CTDSPL2: variants seen among roughly 807,000 people sequenced by gnomAD.
CTDSPL2 encodes CTD small phosphatase-like protein 2.
CTDSPL2 carries 5 observed loss-of-function variants against 60.0 expected under a neutral mutation model. The ratio of observed to expected loss-of-function variants is 0.08; its 90% confidence interval spans 0.04 to 0.18. CTDSPL2 has a LOEUF of 0.18. Ranked by LOEUF, CTDSPL2 falls within the 10% of genes least tolerant of loss-of-function variation. The probability of loss-of-function intolerance (pLI) is 1.00; values close to 1 mark genes in which losing one functional copy is unlikely to be tolerated. For missense variants in CTDSPL2, 370 were observed against 548.8 expected (o/e 0.67, Z 3.26); for synonymous variants, 186 against 189.3 (o/e 0.98, Z 0.14).
In CTDSPL2 at chr15:44,527,105, T is replaced by C. The variant is rs1171822975; in HGVS notation, c.*2931T>C. On this transcript the variant is annotated 3_prime_UTR_variant, in exon 13 of 13. Transcript: ENST00000260327. ...GACAATTCGTAACCATAAATTGTTT[T>C]ATATTAGCTAGTATGTATATTTATT... 1.3e-5 allele frequency: 2 copies of C among 152,622 alleles called. No homozygotes were observed. The highest frequency in any genetic ancestry group is 1.9e-4 in the East Asian group (1 of 5,202). The allele number at this position is 152,622 out of a possible 1,614,324, so 9.5% of individuals were successfully genotyped here. A position where few individuals can be genotyped will look rare whatever the true frequency, so the allele number is the denominator to read the frequency against.
intron 5 of CTDSPL2, among the ~76,000 whole-genome samples, chr15:44,495,688 C>G (rs532981611): frequency 6.6e-6 from 1 of 152,102 alleles, no homozygotes; most frequent in Non-Finnish European, 1.5e-5. Context: ...AATCCCAACA[C>G]TTTGGGAGGT....
chr15:44,486,794 C>G (rs1458720696), intron 4 of CTDSPL2, 94 bp downstream of exon 4: 1 of 930,216 alleles, frequency 1.1e-6, no homozygotes, highest in East Asian at 2.8e-5. Context: ...CGAAGTCTCT[C>G]TTTGTTGCCC....
At chr15:44,505,284 A>G (rs2081441177) in intron 8 of CTDSPL2, among the ~76,000 whole-genome samples, 1 of 151,924 alleles carries the variant, frequency 6.6e-6, no homozygotes, top group Non-Finnish European at 1.5e-5. Context: ...ATGCAAAAAT[A>G]GGTGGCACAC....
At chr15:44,487,585 A>G (rs1038607062) in intron 4 of CTDSPL2, among the ~76,000 whole-genome samples, 5 of 152,242 alleles carry the variant, frequency 3.3e-5, no homozygotes, top group Non-Finnish European at 7.3e-5. Flanking sequence ...TTCCAGGTAG[A>G]AGGAGCAGCA....
chr15:44,461,344 A>G (rs944200807), intron 2 of CTDSPL2, among the ~76,000 whole-genome samples: 1 of 152,146 alleles, frequency 6.6e-6, no homozygotes, highest in Non-Finnish European at 1.5e-5. Flanking sequence ...CAATAACATA[A>G]ACAATCATTC....
At chr15:44,436,752 T>G (rs1029668194) in intron 1 of CTDSPL2, among the ~76,000 whole-genome samples, 1 of 152,244 alleles carries the variant, frequency 6.6e-6, no homozygotes, top group Non-Finnish European at 1.5e-5. Flanking sequence ...CAGCAAATCT[T>G]GACTTTGTTG....
At chr15:44,442,446 CAAA>C (rs553756112) in intron 1 of CTDSPL2, among the ~76,000 whole-genome samples, 12 of 60,704 alleles carry the variant, frequency 2.0e-4, no homozygotes, top group Admixed American at 3.8e-4. Context: ...GACTCTGTCT[CAAA>C]AAAAAAAAAA....
intron 1 of CTDSPL2, chr15:44,448,669 C>T (rs1443444700): frequency 6.1e-6 from 2 of 328,942 alleles, no homozygotes; most frequent in South Asian, 5.6e-5. Flanking sequence ...AAATCCATGC[C>T]CTCCATTCTA....
intron 2 of CTDSPL2, among the ~76,000 whole-genome samples, chr15:44,461,757 G>T (rs1415894475): frequency 2.0e-5 from 3 of 151,822 alleles, no homozygotes; most frequent in Non-Finnish European, 2.9e-5. Flanking sequence ...ATGTTATTAA[G>T]AAAATCATAA....
At chr15:44,463,934 A>G (rs2080629066) in intron 2 of CTDSPL2, among the ~76,000 whole-genome samples, 1 of 152,238 alleles carries the variant, frequency 6.6e-6, no homozygotes, top group South Asian at 2.1e-4. Context: ...CAGTGTCAAT[A>G]GTAACAATAA....
intron 1 of CTDSPL2, among the ~76,000 whole-genome samples, chr15:44,456,588 A>G (rs1034979788): frequency 1.3e-5 from 2 of 152,070 alleles, no homozygotes; most frequent in African/African-American, 4.8e-5. Context: ...ATCAGTGATG[A>G]TATCCCCTTT....
chr15:44,481,965 G>A (rs1156739549), intron 2 of CTDSPL2, among the ~76,000 whole-genome samples: 5 of 152,194 alleles, frequency 3.3e-5, no homozygotes, highest in Admixed American at 3.3e-4. Flanking sequence ...TTCACATGTG[G>A]CAGTTTGCAT....
At chr15:44,484,122 G>T in intron 2 of CTDSPL2, 102 bp from the exon 3 acceptor site, 1 of 1,046,352 alleles carries the variant, frequency 9.6e-7, no homozygotes, top group Non-Finnish European at 1.4e-6. Flanking sequence ...GATATGAAAA[G>T]CAGAGGAAAG....
rs2081897527 is a variant in CTDSPL2 at position 44,527,728 on chromosome 15, C to G, written c.*3554C>G. 1.3e-5 allele frequency: 2 copies of G among 152,144 alleles called. No homozygotes were observed. Among genetic ancestry groups the G allele is most frequent in the South Asian group, 4.1e-4 (2 of 4,828 alleles). 9.4% of individuals were successfully genotyped at this position (152,144 alleles called of 1,614,324 possible). On this transcript the variant is annotated 3_prime_UTR_variant, in exon 13 of 13. Coordinates refer to ENST00000260327, the MANE Select transcript of CTDSPL2 (RefSeq NM_016396.3). ...ATAGTTACCCACCGAATAACTATGC[C>G]AAGCAACTAGTAAAGAATGTTTATT...
At chr15:44,478,376 C>T (rs1319874151) in intron 2 of CTDSPL2, among the ~76,000 whole-genome samples, 4 of 145,386 alleles carry the variant, frequency 2.8e-5, no homozygotes, top group African/African-American at 1.0e-4. Flanking sequence ...CGCTTGAACC[C>T]GGGAGGTGGA....
chr15:44,478,997 T>A (rs1282937697), intron 2 of CTDSPL2, among the ~76,000 whole-genome samples: 1 of 152,010 alleles, frequency 6.6e-6, no homozygotes, highest in Non-Finnish European at 1.5e-5. Flanking sequence ...TGTCTTGAAT[T>A]GACATGCCAC....
intron 2 of CTDSPL2, among the ~76,000 whole-genome samples, chr15:44,481,071 C>G (rs1453210892): frequency 2.0e-5 from 3 of 150,904 alleles, no homozygotes; most frequent in Admixed American, 2.0e-4. Context: ...CACCATGGCT[C>G]ATGCCTGTAA....
At chr15:44,506,585 T>A (rs1258462264) in intron 8 of CTDSPL2, among the ~76,000 whole-genome samples, 1 of 151,228 alleles carries the variant, frequency 6.6e-6, no homozygotes, top group African/African-American at 2.4e-5. Context: ...ATGCCCTTTT[T>A]TGTATGTTTT....
At chr15:44,475,608 C>T (rs1377406017) in intron 2 of CTDSPL2, among the ~76,000 whole-genome samples, 2 of 149,390 alleles carry the variant, frequency 1.3e-5, no homozygotes, top group African/African-American at 2.5e-5. Context: ...CACTGCACTC[C>T]AGCCTGGGCA....
Sources: gnomAD v4.1 joint callset for allele counts (sites outside exome capture counted in the v4.1 genomes callset) on GRCh38, gnomAD v4.1.1 for gene constraint, MANE v1.5 for transcripts, NCBI Gene and HGNC (gene_info 2026-07-23, HGNC 2026-07-21) for gene names.